The following TAB2 variants were observed in gnomAD, a reference collection of about 807,000 sequenced individuals.
TAB2 encodes TGF-beta activated kinase 1 (MAP3K7) binding protein 2, also known as TGF-beta-activated kinase 1 and MAP3K7-binding protein 2.
In TAB2, 3 loss-of-function variants were observed where a neutral mutation model predicts 65.0. The ratio of observed to expected loss-of-function variants is 0.05; its 90% CI spans 0.02 to 0.12. The LOEUF is 0.12. Among genes scored for constraint, TAB2 ranks in the 10% least tolerant of loss-of-function variants. The pLI is 1.00. For missense variants in TAB2, 623 were observed against 840.3 expected (o/e 0.74, Z 3.20); for synonymous variants, 298 against 285.1 (o/e 1.05, Z -0.46).
intron 6 of TAB2, among the ~76,000 whole-genome samples, chr6:149,409,141 C>CA (rs967008193): frequency 9.9e-5 from 15 of 151,816 alleles, no homozygotes; most frequent in African/African-American, 1.4e-4. Flanking sequence ...CATGAATTGA[C>CA]AAAAAAAACT....
chr6:149,283,409 T>C (rs1778611989), intron 1 of TAB2, among the ~76,000 whole-genome samples: 1 of 152,190 alleles, frequency 6.6e-6, no homozygotes, highest in Admixed American at 6.5e-5. Context: ...TTTGATGGTA[T>C]AGAAGAAACT....
At chr6:149,377,413 A>G (rs1781441089) in intron 2 of TAB2, among the ~76,000 whole-genome samples, 1 of 151,388 alleles carries the variant, frequency 6.6e-6, no homozygotes, top group South Asian at 2.1e-4. Flanking sequence ...AAAGGCAGAG[A>G]TAGGAGCTAG....
chr6:149,264,705 T>A (rs1469674916), intron 1 of TAB2, among the ~76,000 whole-genome samples: 1 of 152,168 alleles, frequency 6.6e-6, no homozygotes, highest in African/African-American at 2.4e-5. Flanking sequence ...AGTAGGAGAC[T>A]AAGGAATGAC....
At chr6:149,399,555 T>C (rs1174730832) in intron 6 of TAB2, among the ~76,000 whole-genome samples, 2 of 151,252 alleles carry the variant, frequency 1.3e-5, no homozygotes, top group East Asian at 4.1e-4. Context: ...GTATTTAGTT[T>C]AATTTATATA....
At chr6:149,370,440 G>A (rs1781186640) in intron 2 of TAB2, among the ~76,000 whole-genome samples, 1 of 152,106 alleles carries the variant, frequency 6.6e-6, no homozygotes, top group Non-Finnish European at 1.5e-5. Flanking sequence ...GTATGAAAGT[G>A]AGAAAAATGA....
At chr6:149,377,882 C>G in intron 2 of TAB2, 136 bp from the exon 3 acceptor site, 1 of 719,496 alleles carries the variant, frequency 1.4e-6, no homozygotes, top group Non-Finnish European at 2.3e-6. Context: ...CATAAAAAAA[C>G]TTCTCAAATT....
At chr6:149,295,663 C>G (rs9404026) in intron 1 of TAB2, among the ~76,000 whole-genome samples, 6,369 of 152,298 alleles carry the variant, frequency 0.042, 200 homozygotes, top group South Asian at 0.14. Context: ...CTGCTAAGTT[C>G]AAAACTTTCA....
At chr6:149,339,777 T>C (rs964547770) in intron 1 of TAB2, among the ~76,000 whole-genome samples, 1 of 151,886 alleles carries the variant, frequency 6.6e-6, no homozygotes, top group African/African-American at 2.4e-5. Flanking sequence ...TTTTGTACTT[T>C]TAGTAGAGAC....
chr6:149,316,956 G>C (rs921021211), upstream of TAB2, among the ~76,000 whole-genome samples: 2 of 151,710 alleles, frequency 1.3e-5, no homozygotes, highest in Admixed American at 6.6e-5. Context: ...CGGCTCCAAG[G>C]GGGTGTGTCC....
chr6:149,246,887 T>G (rs903324079), intron 1 of TAB2: 2 of 152,334 alleles, frequency 1.3e-5, no homozygotes, highest in African/African-American at 2.4e-5. Flanking sequence ...CTGAAATTGA[T>G]TCTGTTTGTC....
At chr6:149,317,098 G>A (rs1273464781), upstream of TAB2, among the ~76,000 whole-genome samples, 8 of 151,142 alleles carry the variant, frequency 5.3e-5, no homozygotes, top group East Asian at 7.8e-4. The surrounding 1 kb of genome is among the most constrained non-coding windows in gnomAD (Gnocchi z 4.7). Flanking sequence ...GGCAAGTCCC[G>A]CCACCCACTT....
chr6:149,339,601 A>ATTTTT (rs199531336), intron 1 of TAB2, among the ~76,000 whole-genome samples: 1 of 25,454 alleles, frequency 3.9e-5, no homozygotes, highest in African/African-American at 8.4e-5. Flanking sequence ...TTATTTATTT[A>ATTTTT]TTTATTTTTT....
At chr6:149,245,985 T>G (rs1274861998) in intron 1 of TAB2, 1 of 152,228 alleles carries the variant, frequency 6.6e-6, no homozygotes, top group Non-Finnish European at 1.5e-5. Flanking sequence ...AGTGGCACGA[T>G]CTCTGCTCAC....
chr6:149,274,736 C>A (rs1399991744), intron 1 of TAB2, among the ~76,000 whole-genome samples: 2 of 152,228 alleles, frequency 1.3e-5, no homozygotes, highest in South Asian at 2.1e-4. Flanking sequence ...GGCAATGCTT[C>A]TGGAAGGCCC....
chr6:149,380,541 TTTATC>T lies in TAB2; in HGVS notation c.1603+1025_1603+1029del, dbSNP rs1254453327. 2.0e-5 allele frequency among the ~76,000 whole-genome samples: 3 copies of T among 152,236 alleles called. 1 individual carries two copies. Among genetic ancestry groups the T allele is most frequent in the Non-Finnish European group, 4.4e-5 (3 of 68,034 alleles). On this transcript the variant is annotated intron_variant, in intron 3 of 6. Coordinates refer to ENST00000637181, the MANE Select transcript of TAB2 (RefSeq NM_001292034.3). ...AAATAGAGAAATTTCTGTCATATGTTTTATCTAACCTCTTAAGTTACATAATTTTC... is the reference window on the plus strand; with the variant it reads ...AAATAGAGAAATTTCTGTCATATGTTTAACCTCTTAAGTTACATAATTTTC...
At chr6:149,392,323 G>A (rs1315618255) in intron 3 of TAB2, among the ~76,000 whole-genome samples, 1 of 152,098 alleles carries the variant, frequency 6.6e-6, no homozygotes, top group African/African-American at 2.4e-5. Context: ...TGTATTTTTA[G>A]TAGAGATAGA....
At chr6:149,377,294 C>T (rs1378106183) in intron 2 of TAB2, among the ~76,000 whole-genome samples, 5 of 151,496 alleles carry the variant, frequency 3.3e-5, no homozygotes, top group Non-Finnish European at 7.4e-5. Context: ...CTCCTGACCT[C>T]GTGATCCACC....
At chr6:149,288,805 T>G (rs1403758487) in intron 1 of TAB2, among the ~76,000 whole-genome samples, 1 of 152,066 alleles carries the variant, frequency 6.6e-6, no homozygotes, top group East Asian at 1.9e-4. Context: ...TCCCTGCTTC[T>G]GCTCTTGCCC....
Position 149,287,493 on chromosome 6 carries a change from T to TAAAAA in TAB2, c.-121+68718_-121+68722dup, listed in dbSNP as rs201156738. On this transcript the variant is annotated intron_variant, in intron 1 of 1. Transcript: ENST00000606202. ...AAACTTTGTTTTCTGTTTTTTTTTT[T>TAAAAA]AAAAAGAAAGTATTAGAAAATTGTG... Among the ~76,000 whole-genome samples the TAAAAA allele has an allele frequency of 4.4e-3, 670 of 150,748 alleles. 2 individuals carry two copies. Among genetic ancestry groups the TAAAAA allele is most frequent in the Non-Finnish European group, 5.2e-3 (355 of 67,706 alleles).
Sources: allele counts gnomAD v4.1 joint callset (sites outside exome capture counted in the v4.1 genomes callset), GRCh38; gene constraint gnomAD v4.1.1; non-coding constraint Gnocchi (gnomAD v3.1); transcripts MANE v1.5; gene names NCBI Gene and HGNC (gene_info 2026-07-23, HGNC 2026-07-21).